Variants in MYO3A observed in about 807,000 individuals in gnomAD.
MYO3A encodes the protein myosin-IIIa.
Under a neutral mutation model 192.7 loss-of-function variants are expected in MYO3A, and 180 were observed. The ratio of observed to expected loss-of-function variants is 0.93; its 90% CI spans 0.83 to 1.06. The LOEUF is 1.06. Among genes scored for constraint, MYO3A ranks in the 50% least tolerant of loss-of-function variants. The probability of loss-of-function intolerance (pLI) is 0.00; values close to 1 mark genes in which losing one functional copy is unlikely to be tolerated. For missense variants in MYO3A, 1,896 were observed against 1,905.0 expected (o/e 1.00, Z 0.09); for synonymous variants, 628 against 645.3 (o/e 0.97, Z 0.41).
At chr10:26,118,056 C>G (rs1204055030) in intron 17 of MYO3A, among the ~76,000 whole-genome samples, 1 of 152,130 alleles carries the variant, frequency 6.6e-6, no homozygotes, top group Non-Finnish European at 1.5e-5. Context: ...GAGATGGTAT[C>G]TGATTGTGGT....
At chr10:26,155,310 C>T (rs557446119) in intron 25 of MYO3A, among the ~76,000 whole-genome samples, 3 of 152,126 alleles carry the variant, frequency 2.0e-5, no homozygotes, top group East Asian at 1.9e-4. Flanking sequence ...GATGCGGTAA[C>T]GTGCTTAAGA....
intron 4 of MYO3A, among the ~76,000 whole-genome samples, chr10:25,971,780 A>G (rs972452258): frequency 6.6e-6 from 1 of 152,112 alleles, no homozygotes; most frequent in East Asian, 1.9e-4. Flanking sequence ...TCCTTTTATT[A>G]TAGGCTTTCA....
At chr10:26,077,336 G>T (rs763798280) in intron 14 of MYO3A, among the ~76,000 whole-genome samples, 1 of 135,410 alleles carries the variant, frequency 7.4e-6, no homozygotes, top group Non-Finnish European at 1.5e-5. Context: ...TTACTGATTT[G>T]TATATATTAA....
chr10:26,120,483 G>A (rs1016748243), intron 17 of MYO3A, among the ~76,000 whole-genome samples, 193 bp from the exon 18 acceptor site: 2 of 151,734 alleles, frequency 1.3e-5, no homozygotes, highest in African/African-American at 2.4e-5. Context: ...TAAGTAACAG[G>A]CACTATGCTA....
At chr10:26,155,132 A>G (rs1564603706) in intron 25 of MYO3A, among the ~76,000 whole-genome samples, 1 of 152,234 alleles carries the variant, frequency 6.6e-6, no homozygotes, top group Non-Finnish European at 1.5e-5. Flanking sequence ...CAATGCTATG[A>G]TAACTACCAA....
intron 26 of MYO3A, among the ~76,000 whole-genome samples, chr10:26,162,508 A>G (rs1032096876): frequency 6.6e-6 from 1 of 152,250 alleles, no homozygotes; most frequent in African/African-American, 2.4e-5. Context: ...GAAGCAAGAT[A>G]TTAAAAATAC....
chr10:26,162,985 G>A (rs886489577), intron 26 of MYO3A, among the ~76,000 whole-genome samples: 4 of 152,252 alleles, frequency 2.6e-5, no homozygotes, highest in African/African-American at 7.2e-5. Flanking sequence ...ATGAAAGGGC[G>A]CGCAAGCGTA....
At chr10:26,020,084 A>G (rs1277189163) in intron 7 of MYO3A, among the ~76,000 whole-genome samples, 5 of 152,230 alleles carry the variant, frequency 3.3e-5, no homozygotes, top group Non-Finnish European at 7.3e-5. Context: ...ATGCACATGC[A>G]TAATTTATTA....
In MYO3A at chr10:26,201,269, C is replaced by G. The variant is rs758981056; in HGVS notation, c.4550C>G (p.Ser1517Ter). 3 of 1,565,118 alleles carry G rather than the reference C, an allele frequency of 1.9e-6. No individual in the cohort carries two copies. The highest frequency in any genetic ancestry group is 3.4e-5 in the Admixed American group (2 of 58,140). ...TTGAATTCTTCTTTCCTTTAGAAGT[C>G]AATCCAAGAAGAAAAACGAAGACCA... ...DSTYYYLLHKSIQEEKRRPRK... is the reference protein window; with the variant it reads ...DSTYYYLLHK Residue 1517 changes from serine (S) to a stop codon, truncating the protein, a stop_gained, in exon 33 of 35, where the codon TCA becomes TGA. Transcript: ENST00000642920. LOFTEE classifies it high-confidence loss of function.
chr10:25,976,894 CAA>C (rs1057223039), intron 4 of MYO3A, among the ~76,000 whole-genome samples: 8 of 152,026 alleles, frequency 5.3e-5, no homozygotes, highest in Non-Finnish European at 1.0e-4. Context: ...TAAAGGGAAA[CAA>C]TATCATTTTT....
intron 14 of MYO3A, among the ~76,000 whole-genome samples, chr10:26,081,966 A>G (rs183160904): frequency 1.1e-4 from 16 of 152,258 alleles, no homozygotes; most frequent in East Asian, 5.8e-4. Flanking sequence ...TAGAGGATCT[A>G]TGGGTCCTCT....
intron 10 of MYO3A, among the ~76,000 whole-genome samples, chr10:26,027,350 T>G (rs1842601902): frequency 1.1e-5 from 1 of 88,262 alleles, no homozygotes; most frequent in South Asian, 4.0e-4. Flanking sequence ...GGATATACTT[T>G]TTTGTTTTTT....
At chr10:25,965,873 C>T (rs1338330173) in intron 4 of MYO3A, among the ~76,000 whole-genome samples, 2 of 151,942 alleles carry the variant, frequency 1.3e-5, no homozygotes, top group Non-Finnish European at 2.9e-5. Flanking sequence ...CGCCCTCCTG[C>T]AGCACCCAGA....
intron 6 of MYO3A, among the ~76,000 whole-genome samples, chr10:26,005,878 A>AT (rs1261451953): frequency 6.6e-6 from 1 of 152,098 alleles, no homozygotes; most frequent in Non-Finnish European, 1.5e-5. Context: ...TCCAGAATAC[A>AT]TTTTTGTACT....
At chr10:26,097,534 C>G (rs1588949557) in intron 17 of MYO3A, among the ~76,000 whole-genome samples, 4 of 152,140 alleles carry the variant, frequency 2.6e-5, no homozygotes, top group Admixed American at 2.0e-4. Context: ...TATCCCTCCC[C>G]CCTGCCCCCA....
At position 26,168,715 on chromosome 10, in the gene MYO3A, T is replaced by A; in HGVS notation, c.3115T>A (p.Phe1039Ile). ...DNWALGKTKV[F>I]LKYYHVEQLN... Reference sequence around the variant, plus strand: ...GTATTATATTTTAATTTTTCAGGTGTTCCTTAAGTATTATCACGTGGAGCA... The same window carrying A: ...GTATTATATTTTAATTTTTCAGGTGATCCTTAAGTATTATCACGTGGAGCA... The change falls in exon 28 of 35, where the codon TTC becomes ATC. Residue 1039 changes from phenylalanine (F) to isoleucine (I), a missense_variant. Coordinates refer to ENST00000642920, the MANE Select transcript of MYO3A (RefSeq NM_017433.5). The A allele has an allele frequency of 6.2e-7, 1 of 1,612,522 alleles. No individual in the cohort carries two copies. Among genetic ancestry groups the A allele is most frequent in the Non-Finnish European group, 8.5e-7 (1 of 1,179,344 alleles).
In MYO3A at chr10:26,032,064, G is replaced by T. The variant is rs1455181102; in HGVS notation, c.953+5532G>T. Among the ~76,000 whole-genome samples the T allele has an allele frequency of 4.6e-5, 7 of 152,256 alleles. No individual in the cohort carries two copies. In the East Asian group the frequency reaches 1.3e-3, roughly 29 times the overall value. On this transcript the variant is annotated intron_variant, in intron 10 of 34. Transcript: ENST00000642920. ...TTTACTTGATGCTCTCAATATGCCA[G>T]TGGCAATTACCTTTGATATTTATAG...
chr10:26,013,227 A>G (rs1324596407), intron 6 of MYO3A, among the ~76,000 whole-genome samples: 1 of 152,168 alleles, frequency 6.6e-6, no homozygotes, highest in East Asian at 1.9e-4. Flanking sequence ...CAAAGAATTC[A>G]TGACTAAGAC....
At chr10:26,027,816 A>G (rs1265673748) in intron 10 of MYO3A, among the ~76,000 whole-genome samples, 2 of 152,224 alleles carry the variant, frequency 1.3e-5, no homozygotes, top group Non-Finnish European at 2.9e-5. Context: ...TAATTTAAAT[A>G]ATCCCATACA....
Sources: gnomAD v4.1 joint callset for allele counts (sites outside exome capture counted in the v4.1 genomes callset) on GRCh38, gnomAD v4.1.1 for gene constraint, MANE v1.5 for transcripts, NCBI Gene and HGNC (gene_info 2026-07-23, HGNC 2026-07-21) for gene names.